ARHGAP42: variants seen among roughly 807,000 people sequenced by gnomAD.
ARHGAP42 encodes rho GTPase-activating protein 42.
ARHGAP42 carries 63 observed loss-of-function variants against 125.0 expected under a neutral mutation model. The observed-to-expected ratio is 0.50, with a 90% CI of 0.41 to 0.62. The LOEUF (loss-of-function observed/expected upper bound fraction) is 0.62. Among genes scored for constraint, ARHGAP42 ranks in the 20% least tolerant of loss-of-function variants. The pLI is 0.00. For missense variants in ARHGAP42, 766 were observed against 1,024.2 expected (o/e 0.75, Z 3.44); for synonymous variants, 339 against 351.0 (o/e 0.97, Z 0.38).
chr11:100,736,194 A>T (rs908415016), intron 1 of ARHGAP42, among the ~76,000 whole-genome samples: 1 of 152,228 alleles, frequency 6.6e-6, no homozygotes, highest in Non-Finnish European at 1.5e-5. Context: ...CTGAAGCCTC[A>T]GTGGGCTTGA....
At chr11:100,859,674 G>C (rs1348395285) in intron 4 of ARHGAP42, 49 bp downstream of exon 4, 1 of 1,316,978 alleles carries the variant, frequency 7.6e-7, no homozygotes, top group African/African-American at 1.5e-5. Flanking sequence ...GATAATTAAA[G>C]ATGACATAAT....
intron 3 of ARHGAP42, among the ~76,000 whole-genome samples, chr11:100,841,055 G>A (rs1320625307): frequency 6.6e-6 from 1 of 152,088 alleles, no homozygotes; most frequent in Non-Finnish European, 1.5e-5. Context: ...CATTTGATAG[G>A]TGTGCCATGA....
intron 22 of ARHGAP42, among the ~76,000 whole-genome samples, chr11:100,984,663 A>G (rs1858629019): frequency 1.3e-5 from 2 of 152,000 alleles, no homozygotes; most frequent in African/African-American, 4.8e-5. Context: ...ATGAGGAATG[A>G]GGCTGGTGGG....
chr11:100,751,772 CCT>C (rs1862464923), intron 1 of ARHGAP42, among the ~76,000 whole-genome samples: 1 of 102,754 alleles, frequency 9.7e-6, no homozygotes, highest in Non-Finnish European at 2.2e-5. Context: ...CAGACAGGCA[CCT>C]TTTTTTTTTT....
intron 3 of ARHGAP42, among the ~76,000 whole-genome samples, chr11:100,828,010 A>G (rs1403342496): frequency 1.3e-5 from 2 of 152,222 alleles, no homozygotes; most frequent in African/African-American, 2.4e-5. Flanking sequence ...GTCTGCCCAC[A>G]GTCTCATCCC....
At chr11:100,736,477 G>T (rs1478030480) in intron 1 of ARHGAP42, among the ~76,000 whole-genome samples, 1 of 152,170 alleles carries the variant, frequency 6.6e-6, no homozygotes, top group Non-Finnish European at 1.5e-5. Flanking sequence ...TCATGGGACT[G>T]CTACCACCAT....
chr11:100,756,222 C>CAAA (rs56164175), intron 1 of ARHGAP42, among the ~76,000 whole-genome samples: 7 of 47,912 alleles, frequency 1.5e-4, no homozygotes, highest in South Asian at 1.0e-3. Flanking sequence ...CTTGTCTCTA[C>CAAA]AAAAAAAAAA....
At chr11:100,936,877 G>A (rs967017054) in intron 8 of ARHGAP42, among the ~76,000 whole-genome samples, 5 of 152,118 alleles carry the variant, frequency 3.3e-5, no homozygotes, top group African/African-American at 1.2e-4. Context: ...AAAGCCATTC[G>A]GACTTGTATA....
chr11:100,834,353 A>C (rs747332590), intron 3 of ARHGAP42, among the ~76,000 whole-genome samples: 14 of 152,126 alleles, frequency 9.2e-5, no homozygotes, highest in Non-Finnish European at 1.9e-4. Flanking sequence ...ATTTTCCTTT[A>C]TATGGATCAA....
At chr11:100,870,857 A>G (rs879527877) in intron 4 of ARHGAP42, among the ~76,000 whole-genome samples, 7 of 151,812 alleles carry the variant, frequency 4.6e-5, no homozygotes, top group South Asian at 4.1e-4. Flanking sequence ...AAGCCATTCT[A>G]TGTTTAATTT....
intron 22 of ARHGAP42, among the ~76,000 whole-genome samples, chr11:100,979,969 A>T (rs1314930302): frequency 6.6e-6 from 1 of 152,206 alleles, no homozygotes; most frequent in African/African-American, 2.4e-5. Context: ...GGACTTTTTC[A>T]GCAAACATTT....
Position 100,943,860 on chromosome 11 carries a change from A to C in ARHGAP42, c.1035A>C (p.Val345=). Residue 345 remains valine, a synonymous_variant, in exon 10 of 24, where the codon GTA becomes GTC. Coordinates refer to ENST00000298815, the MANE Select transcript of ARHGAP42 (RefSeq NM_152432.4). ...IDKRFCFDIE[V]VERHGIITLQ... is the part of the protein sequence containing the mutation. ...AACGATTCTGCTTTGACATAGAAGT[A>C]GTTGAAAGGTTTGAGCTGTTCTTTT... 6.5e-6 allele frequency: 10 copies of C among 1,543,998 alleles called. No individual in the cohort carries two copies. The highest frequency in any genetic ancestry group is 8.8e-6 in the Non-Finnish European group (10 of 1,141,288).
chr11:100,952,818 C>T (rs534178193), intron 12 of ARHGAP42, among the ~76,000 whole-genome samples: 10 of 141,020 alleles, frequency 7.1e-5, no homozygotes, highest in Non-Finnish European at 1.5e-4. Context: ...ACCTCCGCCT[C>T]CTGGGTTCAA....
At chr11:100,868,476 C>T (rs1206455560) in intron 4 of ARHGAP42, among the ~76,000 whole-genome samples, 1 of 152,146 alleles carries the variant, frequency 6.6e-6, no homozygotes, top group Non-Finnish European at 1.5e-5. Flanking sequence ...AACCGTTAAA[C>T]TCATTTTATA....
chr11:100,871,860 C>T (rs1865704456), intron 4 of ARHGAP42, among the ~76,000 whole-genome samples: 1 of 152,180 alleles, frequency 6.6e-6, no homozygotes, highest in African/African-American at 2.4e-5. Flanking sequence ...TCTCCTGCTT[C>T]AGCCGCCTGA....
At chr11:100,760,712 A>G (rs1212848100) in intron 1 of ARHGAP42, among the ~76,000 whole-genome samples, 1 of 152,132 alleles carries the variant, frequency 6.6e-6, no homozygotes, top group Non-Finnish European at 1.5e-5. Flanking sequence ...AAAAGAAAAA[A>G]AAAAGGAAAT....
intron 8 of ARHGAP42, among the ~76,000 whole-genome samples, chr11:100,940,434 G>A (rs664212): frequency 0.18 from 27,073 of 152,086 alleles, 3,338 homozygotes; most frequent in East Asian, 0.42. Context: ...TATGGTGTTT[G>A]GGTGCAGGAT....
At chr11:100,914,970 T>G (rs970265943) in intron 5 of ARHGAP42, among the ~76,000 whole-genome samples, 10 of 152,180 alleles carry the variant, frequency 6.6e-5, no homozygotes, top group African/African-American at 2.4e-4. Flanking sequence ...CAGTATCAAA[T>G]TTCTTTATTT....
intron 16 of ARHGAP42, among the ~76,000 whole-genome samples, chr11:100,963,640 T>C (rs507858): frequency 0.28 from 42,990 of 152,110 alleles, 7,246 homozygotes; most frequent in East Asian, 0.74. Flanking sequence ...CTACACTATT[T>C]AGTTTTCTCT....
Sources: allele counts gnomAD v4.1 joint callset (sites outside exome capture counted in the v4.1 genomes callset), GRCh38; gene constraint gnomAD v4.1.1; transcripts MANE v1.5; gene names NCBI Gene and HGNC (gene_info 2026-07-23, HGNC 2026-07-21).